ELP4: variants seen among roughly 807,000 people sequenced by gnomAD.
ELP4 encodes the protein elongator acetyltransferase complex subunit 4.
ELP4 carries 51 observed loss-of-function variants against 48.9 expected under a neutral mutation model. That is an observed-to-expected ratio of 1.04 (90% CI 0.83 to 1.32). The LOEUF is 1.32. Among genes scored for constraint, ELP4 ranks in the 40% most tolerant of loss-of-function variants. The probability of loss-of-function intolerance (pLI) is 0.00; values close to 1 mark genes in which losing one functional copy is unlikely to be tolerated. For synonymous variants in ELP4, 210 were observed against 189.2 expected (o/e 1.11, Z -0.90); for missense variants, 519 against 514.6 (o/e 1.01, Z -0.08).
At chr11:31,699,973 A>G (rs1476401901) in intron 9 of ELP4, among the ~76,000 whole-genome samples, 2 of 152,168 alleles carry the variant, frequency 1.3e-5, no homozygotes, top group Non-Finnish European at 2.9e-5. Flanking sequence ...TGGGAGGAGA[A>G]TGAATGTCCT....
intron 2 of ELP4, among the ~76,000 whole-genome samples, chr11:31,528,961 A>G (rs1956345409): frequency 6.6e-6 from 1 of 151,984 alleles, no homozygotes; most frequent in Non-Finnish European, 1.5e-5. Flanking sequence ...GCCCAGGTTT[A>G]TACTTGTGGA....
intron 9 of ELP4, among the ~76,000 whole-genome samples, chr11:31,713,153 G>A (rs1811577117): frequency 6.6e-6 from 1 of 152,158 alleles, no homozygotes; most frequent in Non-Finnish European, 1.5e-5. Context: ...AAATCAGGCA[G>A]GTTGCATAAA....
At chr11:31,525,140 T>A (rs1956278053) in intron 2 of ELP4, among the ~76,000 whole-genome samples, 1 of 152,238 alleles carries the variant, frequency 6.6e-6, no homozygotes. Context: ...TGATTAGTTG[T>A]AACAGAAACT....
intron 6 of ELP4, chr11:31,628,436 TACAC>T (rs55801807): frequency 0.28 from 41,005 of 148,128 alleles, 5,910 homozygotes; most frequent in African/African-American, 0.38. Flanking sequence ...GCAAAAGGAA[TACAC>T]ACACACACAC....
At chr11:31,741,526 C>T (rs756774884) in intron 9 of ELP4, among the ~76,000 whole-genome samples, 4 of 152,138 alleles carry the variant, frequency 2.6e-5, no homozygotes, top group African/African-American at 7.2e-5. Context: ...CTCACACAGC[C>T]GGGTACTCCT....
intron 3 of ELP4, among the ~76,000 whole-genome samples, chr11:31,555,420 A>G (rs909670792): frequency 3.3e-5 from 5 of 152,010 alleles, no homozygotes; most frequent in African/African-American, 9.7e-5. Context: ...TATTTCTTAA[A>G]TTCCTAATAT....
intron 9 of ELP4, among the ~76,000 whole-genome samples, chr11:31,691,247 G>T (rs968356061): frequency 1.3e-5 from 2 of 151,950 alleles, no homozygotes; most frequent in African/African-American, 4.8e-5. Context: ...TAGTACTATG[G>T]TAATTAATGC....
chr11:31,740,049 G>C (rs1322573148), intron 9 of ELP4, among the ~76,000 whole-genome samples: 3 of 152,126 alleles, frequency 2.0e-5, no homozygotes, highest in Non-Finnish European at 4.4e-5. Context: ...CTTTAAGAAA[G>C]GTAGTTTTAT....
chr11:31,705,295 T>C (rs7944018), intron 9 of ELP4, among the ~76,000 whole-genome samples: 92,161 of 151,876 alleles, frequency 0.61, 31,726 homozygotes, highest in Non-Finnish European at 0.76. Context: ...CCTCCTCTTA[T>C]AAAGCCACCA....
chr11:31,774,460 T>C (rs1948206022), intron 9 of ELP4, among the ~76,000 whole-genome samples: 1 of 152,200 alleles, frequency 6.6e-6, no homozygotes, highest in South Asian at 2.1e-4. Flanking sequence ...AATTGCCAAA[T>C]TGTTAGTCAG....
intron 9 of ELP4, among the ~76,000 whole-genome samples, chr11:31,753,817 G>A (rs1381553014): frequency 6.6e-6 from 1 of 151,956 alleles, no homozygotes; most frequent in African/African-American, 2.4e-5. Flanking sequence ...CATTATTTAT[G>A]TATATACATA....
chr11:31,690,737 T>A (rs1946261416), intron 9 of ELP4, among the ~76,000 whole-genome samples: 1 of 151,484 alleles, frequency 6.6e-6, no homozygotes, highest in Non-Finnish European at 1.5e-5. Flanking sequence ...AACTAGTCAT[T>A]ACTAGTAATA....
intron 9 of ELP4, among the ~76,000 whole-genome samples, chr11:31,711,477 A>G (rs886227119): frequency 1.3e-5 from 2 of 152,170 alleles, no homozygotes; most frequent in African/African-American, 4.8e-5. Context: ...ACTAATAATT[A>G]TCTCCTCTTT....
chr11:31,745,246 C>G (rs1374693718), intron 9 of ELP4, among the ~76,000 whole-genome samples: 1 of 152,070 alleles, frequency 6.6e-6, no homozygotes, highest in African/African-American at 2.4e-5. Flanking sequence ...AAAGAGGATA[C>G]AAACAAATGG....
chr11:31,765,410 C>T (rs1336144439), intron 9 of ELP4, among the ~76,000 whole-genome samples: 2 of 152,070 alleles, frequency 1.3e-5, no homozygotes, highest in Non-Finnish European at 2.9e-5. Context: ...CCTAATGCAA[C>T]CTAACCAAGT....
At chr11:31,596,768 A>G (rs1957677405) in intron 4 of ELP4, among the ~76,000 whole-genome samples, 1 of 152,236 alleles carries the variant, frequency 6.6e-6, no homozygotes, top group Non-Finnish European at 1.5e-5. Flanking sequence ...AACTCAAATT[A>G]TAAAATAAGG....
chr11:31,570,466 CTT>C (rs35501118), intron 3 of ELP4, among the ~76,000 whole-genome samples: 1,827 of 127,820 alleles, frequency 0.014, 38 homozygotes, highest in African/African-American at 0.047. Context: ...TGTAATATAC[CTT>C]TTTTTTTTTT....
chr11:31,518,240 G>A (rs1330332166), intron 1 of ELP4, among the ~76,000 whole-genome samples: 1 of 151,536 alleles, frequency 6.6e-6, no homozygotes, highest in African/African-American at 2.4e-5. Context: ...CTGCGTAGCT[G>A]GGATTACAGG....
intron 9 of ELP4, among the ~76,000 whole-genome samples, chr11:31,743,093 T>C (rs1466351612): frequency 6.6e-6 from 1 of 151,538 alleles, no homozygotes; most frequent in Non-Finnish European, 1.5e-5. Context: ...AAGGCAGGGG[T>C]TGCAATCCTA....
Sources: gnomAD v4.1 joint callset for allele counts (sites outside exome capture counted in the v4.1 genomes callset) on GRCh38, gnomAD v4.1.1 for gene constraint, MANE v1.5 for transcripts, NCBI Gene and HGNC (gene_info 2026-07-23, HGNC 2026-07-21) for gene names.